Variants in ST3GAL3 observed in about 807,000 individuals in gnomAD.
ST3GAL3 encodes the protein CMP-N-acetylneuraminate-beta-1,4-galactoside alpha-2,3-sialyltransferase.
In ST3GAL3, 21 loss-of-function variants were observed where a neutral mutation model predicts 50.1. The observed-to-expected ratio is 0.42, with a 90% CI of 0.30 to 0.60. The LOEUF is 0.60. ST3GAL3 is among the 20% of genes least tolerant of loss of function. The pLI is 0.19. For missense variants in ST3GAL3, 353 were observed against 489.4 expected (o/e 0.72, Z 2.63); for synonymous variants, 183 against 190.0 (o/e 0.96, Z 0.30).
At chr1:43,841,605 C>T (rs1362941445) in intron 5 of ST3GAL3, 7 of 152,208 alleles carry the variant, frequency 4.6e-5, no homozygotes, top group Non-Finnish European at 8.8e-5. Flanking sequence ...GGCCCTGGGC[C>T]TGACCCATGA....
At chr1:43,792,616 G>A (rs1386411740) in intron 3 of ST3GAL3, among the ~76,000 whole-genome samples, 1 of 152,144 alleles carries the variant, frequency 6.6e-6, no homozygotes, top group Non-Finnish European at 1.5e-5. Flanking sequence ...TTCAAATACA[G>A]ACCTCTTCCA....
intron 3 of ST3GAL3, among the ~76,000 whole-genome samples, chr1:43,804,797 T>C (rs1178254083): frequency 1.3e-5 from 2 of 152,060 alleles, no homozygotes; most frequent in African/African-American, 2.4e-5. Flanking sequence ...ATCACTGCAG[T>C]CGAAGATGGC....
At chr1:43,709,845 C>G (rs562649621) in intron 1 of ST3GAL3, among the ~76,000 whole-genome samples, 3 of 151,498 alleles carry the variant, frequency 2.0e-5, no homozygotes, top group African/African-American at 7.3e-5. Context: ...GAAACTCGGT[C>G]AAAAAAAAGA....
intron 4 of ST3GAL3, among the ~76,000 whole-genome samples, chr1:43,825,796 G>C (rs1472877152): frequency 6.6e-6 from 1 of 151,888 alleles, no homozygotes; most frequent in Non-Finnish European, 1.5e-5. Flanking sequence ...AAGGGGAGAG[G>C]GTACTTAGGA....
intron 3 of ST3GAL3, chr1:43,801,414 G>A (rs1046403920): frequency 2.2e-6 from 1 of 455,536 alleles, no homozygotes. Flanking sequence ...TTCCATTCTG[G>A]GGCTCAGTAG....
At chr1:43,920,308 T>C (rs1571516709) in intron 9 of ST3GAL3, 96 bp from the exon 10 acceptor site, 1 of 1,525,428 alleles carries the variant, frequency 6.6e-7, no homozygotes, top group South Asian at 1.1e-5. Flanking sequence ...CGCCTCATGC[T>C]CCCGCCTCAC....
intron 1 of ST3GAL3, among the ~76,000 whole-genome samples, chr1:43,717,113 C>T (rs781607876): frequency 1.2e-4 from 18 of 152,306 alleles, no homozygotes; most frequent in African/African-American, 4.1e-4. Flanking sequence ...ATTCAGGCAA[C>T]GCCTCTGAAG....
chr1:43,927,195 C>T (rs150577345), intron 11 of ST3GAL3, among the ~76,000 whole-genome samples: 120 of 152,178 alleles, frequency 7.9e-4, no homozygotes, highest in African/African-American at 2.8e-3. Flanking sequence ...AGTGGTGGTG[C>T]GTGCCTGTAA....
In ST3GAL3 at chr1:43,746,451, T is replaced by C. The variant is rs142462097; in HGVS notation, c.118+10071T>C. Among the ~76,000 whole-genome samples the C allele has an allele frequency of 3.4e-5, 5 of 146,142 alleles. No individual in the cohort carries two copies. The East Asian group carries it at 1.0e-3, about 30-fold the overall frequency. ...TACTTGATGCCACAGATGTGTAAAC[T>C]TAAAATGGTAATTTTTTTTTTTTTT... On this transcript the variant is annotated intron_variant, in intron 2 of 11. Transcript: ENST00000347631.
intron 11 of ST3GAL3, among the ~76,000 whole-genome samples, chr1:43,927,385 T>G (rs1284989286): frequency 6.6e-6 from 1 of 152,218 alleles, no homozygotes; most frequent in Admixed American, 6.5e-5. Flanking sequence ...AGATAAGGAC[T>G]ATTTTTTAAA....
intron 4 of ST3GAL3, among the ~76,000 whole-genome samples, chr1:43,818,237 G>A (rs541487): frequency 0.85 from 129,789 of 152,154 alleles, 55,611 homozygotes; most frequent in East Asian, 0.92. Context: ...ACCCCAAAGG[G>A]CTCAGCATAA....
chr1:43,745,002 A>AAAAG (rs202083387), intron 2 of ST3GAL3, among the ~76,000 whole-genome samples: 52 of 151,154 alleles, frequency 3.4e-4, no homozygotes, highest in African/African-American at 4.6e-4. Context: ...AAAAAAAGAA[A>AAAAG]AAAGAAAGAA....
In ST3GAL3 at chr1:43,930,387, A is replaced by G. The variant is rs1291118235; in HGVS notation, c.*166A>G. On this transcript the variant is annotated 3_prime_UTR_variant, in exon 12 of 12. Coordinates refer to ENST00000347631, the MANE Select transcript of ST3GAL3 (RefSeq NM_006279.5). ...CTGTGCCTGCTCAGCAGCCAGTCTCAGAGACCAGCACTCAGCCTCATTCAG... is the reference window on the plus strand; with the variant it reads ...CTGTGCCTGCTCAGCAGCCAGTCTCGGAGACCAGCACTCAGCCTCATTCAG... 2.1e-5 allele frequency: 15 copies of G among 706,424 alleles called. No homozygotes were observed. In the South Asian group the frequency reaches 2.3e-4, roughly 11 times the overall value. The allele number at this position is 706,424 out of a possible 1,614,324, so 43.8% of individuals were successfully genotyped here.
chr1:43,763,604 C>T (rs1691386926), intron 2 of ST3GAL3, among the ~76,000 whole-genome samples: 2 of 152,154 alleles, frequency 1.3e-5, no homozygotes, highest in Non-Finnish European at 2.9e-5. Flanking sequence ...TGATATGTAG[C>T]AGTCACCCTG....
chr1:43,835,650 T>G (rs1354849207), intron 4 of ST3GAL3, among the ~76,000 whole-genome samples: 1 of 152,010 alleles, frequency 6.6e-6, no homozygotes, highest in Non-Finnish European at 1.5e-5. Flanking sequence ...TTGCCAAAAG[T>G]TGATGGGGTA....
intron 1 of ST3GAL3, among the ~76,000 whole-genome samples, chr1:43,725,304 A>G (rs1381325012): frequency 6.6e-6 from 1 of 152,088 alleles, no homozygotes; most frequent in Admixed American, 6.6e-5. Context: ...CCCAGGTTCA[A>G]GCTATTCTCC....
At chr1:43,794,871 C>T (rs190446491) in intron 3 of ST3GAL3, among the ~76,000 whole-genome samples, 98 of 152,024 alleles carry the variant, frequency 6.4e-4, no homozygotes, top group Middle Eastern at 6.8e-3. Flanking sequence ...TGAAATTAAA[C>T]CATATTTGCT....
intron 1 of ST3GAL3, among the ~76,000 whole-genome samples, chr1:43,721,141 A>T (rs11810109): frequency 0.23 from 34,558 of 151,504 alleles, 4,609 homozygotes; most frequent in Non-Finnish European, 0.3. Context: ...GCTACTTGGG[A>T]GGTTGAGGTG....
At chr1:43,767,861 C>T (rs11590088) in intron 2 of ST3GAL3, among the ~76,000 whole-genome samples, 47,783 of 149,740 alleles carry the variant, frequency 0.32, 9,210 homozygotes, top group East Asian at 0.53. Flanking sequence ...CTTGTCAAAA[C>T]TTGTATGATG....
Sources: allele counts gnomAD v4.1 joint callset (sites outside exome capture counted in the v4.1 genomes callset), GRCh38; gene constraint gnomAD v4.1.1; transcripts MANE v1.5; gene names NCBI Gene and HGNC (gene_info 2026-07-23, HGNC 2026-07-21).